Variants in CYP4V2 observed in about 807,000 individuals in gnomAD.
The protein encoded by CYP4V2 is cytochrome P450 4V2.
A neutral mutation model predicts 60.8 loss-of-function variants in CYP4V2; 55 were observed. The ratio of observed to expected loss-of-function variants is 0.90; its 90% confidence interval spans 0.73 to 1.13. The LOEUF (loss-of-function observed/expected upper bound fraction) is 1.13, where lower values mean the gene tolerates loss of function less well. Among genes scored for constraint, CYP4V2 ranks in the 50% most tolerant of loss-of-function variants. CYP4V2 has a pLI of 0.00. For missense variants in CYP4V2, 675 were observed against 662.9 expected (o/e 1.02, Z -0.20); for synonymous variants, 239 against 236.8 (o/e 1.01, Z -0.08).
Position 186,200,435 on chromosome 4 carries a change from A to G in CYP4V2, c.802-722A>G, listed in dbSNP as rs72646270. Among the ~76,000 whole-genome samples the G allele has an allele frequency of 8.4e-3, 1,283 of 152,380 alleles. 19 individuals are homozygous for G. Among genetic ancestry groups the G allele is most frequent in the African/African-American group, 0.028 (1,185 of 41,592 alleles). On this transcript the variant is annotated intron_variant, in intron 6 of 10. Transcript: ENST00000378802. ...TGTATCAATGAACAAAGACATGCAC[A>G]AGCATGGCAGTGTTTGAGTTGTAAG...
chr4:186,204,612 T>C (rs1736442180), intron 7 of CYP4V2: 1 of 186,902 alleles, frequency 5.4e-6, no homozygotes, highest in Non-Finnish European at 1.2e-5. Context: ...AACCACATCT[T>C]TGGCCTCAGT....
At chr4:186,198,131 G>C (rs67055364) in intron 5 of CYP4V2, among the ~76,000 whole-genome samples, 21,251 of 152,228 alleles carry the variant, frequency 0.14, 1,761 homozygotes, top group Admixed American at 0.21. Context: ...TTAAAAGGCA[G>C]GGCAAGGACT....
chr4:186,198,832 T>C (rs1391997763), intron 5 of CYP4V2, 125 bp from the exon 6 acceptor site: 10 of 1,445,222 alleles, frequency 6.9e-6, no homozygotes, highest in Non-Finnish European at 9.6e-6. Flanking sequence ...ATGGAGCTCT[T>C]AGTAGCCTCT....
At position 186,195,902 on chromosome 4, in the gene CYP4V2, A is replaced by C; in HGVS notation, c.328-101A>C. The stretch of plus-strand genomic sequence containing the variant: ...AACGACGGAGAAAATAAATGTTGTG[A>C]ATGCCCTAAAAACTAGCTGTATTCT... On this transcript the variant is annotated intron_variant, in intron 2 of 10. Transcript: ENST00000378802. This position sits in a 1 kb window ranked among gnomAD's most constrained non-coding sequence, Gnocchi z 4.1. The C allele has an allele frequency of 1.2e-6, 1 of 802,462 alleles. No homozygotes were observed. The highest frequency in any genetic ancestry group is 2.6e-5 in the East Asian group (1 of 38,970). The allele number at this position is 802,462 out of a possible 1,614,324, so 49.7% of individuals were successfully genotyped here.
chr4:186,202,962 A>C (rs1295140907), intron 7 of CYP4V2: 1 of 151,994 alleles, frequency 6.6e-6, no homozygotes, highest in Non-Finnish European at 1.5e-5. Context: ...ACCACCCCCC[A>C]CAGAGGCACA....
At chr4:186,210,350 G>T in intron 10 of CYP4V2, 119 bp from the exon 11 acceptor site, 1 of 1,292,858 alleles carries the variant, frequency 7.7e-7, no homozygotes, top group Non-Finnish European at 1.1e-6. Flanking sequence ...AGCCATTCTG[G>T]TTCTCCTTCC....
intron 8 of CYP4V2, 108 bp downstream of exon 8, chr4:186,205,410 C>CT: frequency 9.3e-7 from 1 of 1,080,038 alleles, no homozygotes; most frequent in Admixed American, 1.7e-5. Flanking sequence ...CCACGGGATC[C>CT]TTTCCAGTAC....
At chr4:186,192,339 G>A (rs571002005) in intron 1 of CYP4V2, 2 of 618,980 alleles carry the variant, frequency 3.2e-6, no homozygotes, top group Non-Finnish European at 6.1e-6. Flanking sequence ...GTTTCCTCCT[G>A]CCTTGGCTTG....
rs1271520238 is a variant in CYP4V2, at chr4:186,195,155, A to C, written c.327+543A>C. ...AATCATCTTGTAGTATGGTGAGAAAAGGATTTGGGTCAGGAAACAAAGATG... is the reference window on the plus strand; with the variant it reads ...AATCATCTTGTAGTATGGTGAGAAACGGATTTGGGTCAGGAAACAAAGATG... On this transcript the variant is annotated intron_variant, in intron 2 of 10. Coordinates refer to ENST00000378802, the MANE Select transcript of CYP4V2 (RefSeq NM_207352.4). The surrounding 1 kb of genome is among the most constrained non-coding windows in gnomAD (Gnocchi z 4.1). Among the ~76,000 whole-genome samples the C allele has an allele frequency of 6.6e-6, 1 of 152,204 alleles. No homozygotes were observed. Among genetic ancestry groups the C allele is most frequent in the African/African-American group, 2.4e-5 (1 of 41,460 alleles).
At chr4:186,206,226 T>A (rs920197159) in intron 8 of CYP4V2, among the ~76,000 whole-genome samples, 5 of 152,188 alleles carry the variant, frequency 3.3e-5, no homozygotes, top group Admixed American at 3.3e-4. Flanking sequence ...TGTGTGTGTG[T>A]GCATGTGTGT....
At chr4:186,194,727 C>A in intron 2 of CYP4V2, 115 bp downstream of exon 2, 2 of 951,964 alleles carry the variant, frequency 2.1e-6, no homozygotes, top group Non-Finnish European at 3.3e-6. Flanking sequence ...AAAAAACATT[C>A]CACTAAGTAT....
intron 4 of CYP4V2, 136 bp downstream of exon 4, chr4:186,197,266 A>G: frequency 3.6e-6 from 4 of 1,120,400 alleles, no homozygotes; most frequent in Non-Finnish European, 5.2e-6. Flanking sequence ...CTACGACCGC[A>G]CTGGCCTTCT....
chr4:186,196,264 G>A (rs2126584097), intron 3 of CYP4V2, 176 bp downstream of exon 3: 1 of 665,468 alleles, frequency 1.5e-6, no homozygotes, highest in Non-Finnish European at 2.7e-6. Context: ...CCCGTCAAGA[G>A]GCCAAGAGTC....
In CYP4V2 at chr4:186,191,795, A is replaced by G; in HGVS notation, c.-29A>G. The G allele has an allele frequency of 6.6e-7, 1 of 1,508,070 alleles. No individual in the cohort carries two copies. The allele number at this position is 1,508,070 out of a possible 1,614,324, so 93.4% of individuals were successfully genotyped here. ...CCCCCGCGGGCCCGCACTTTCCCGG[A>G]GTGCACCCCGCGGCCGCCAGCCGGG... On this transcript the variant is annotated 5_prime_UTR_variant, in exon 1 of 11. Transcript: ENST00000378802.
Position 186,197,037 on chromosome 4 carries a change from A to G in CYP4V2, c.511A>G (p.Asn171Asp), listed in dbSNP as rs1394771678. 2 of 1,613,758 alleles carry G rather than the reference A, an allele frequency of 1.2e-6. No individual in the cohort carries two copies. The highest frequency in any genetic ancestry group is 1.7e-6 in the Non-Finnish European group (2 of 1,179,976). ...CTTAGATATCATGAATGAACAAGCA[A>G]ATATATTGGTTAAGAAACTTGAAAA... ...DFLDIMNEQA[N>D]ILVKKLEKHI... Residue 171 changes from asparagine to aspartate, a missense_variant, in exon 4 of 11, where the codon AAT (asparagine) becomes GAT (aspartate). Coordinates refer to ENST00000378802, the MANE Select transcript of CYP4V2 (RefSeq NM_207352.4).
chr4:186,207,378 T>C (rs1237547408), intron 8 of CYP4V2, among the ~76,000 whole-genome samples: 4 of 141,868 alleles, frequency 2.8e-5, no homozygotes, highest in African/African-American at 7.8e-5. Flanking sequence ...CACCACTGCA[T>C]TCCAGCCTGG....
chr4:186,201,147 A>T lies in CYP4V2; in HGVS notation c.802-10A>T. 6.2e-7 allele frequency: 1 copy of T among 1,614,084 alleles called. No homozygotes were observed. The highest frequency in any genetic ancestry group is 1.3e-5 in the African/African-American group (1 of 75,054). ...AACAGAAGCATGTGATTATCATTCA[A>T]ATCATACAGGTCATCGCTGAACGGG... On this transcript the variant is annotated splice_polypyrimidine_tract_variant and intron_variant, in intron 6 of 10. Transcript: ENST00000378802.
chr4:186,205,327 A>T (rs759552576), intron 8 of CYP4V2, 25 bp downstream of exon 8: 1 of 1,595,878 alleles, frequency 6.3e-7, no homozygotes. Context: ...TTCACTGGTT[A>T]TATTGTGGTA....
chr4:186,203,590 T>C (rs942152405), intron 7 of CYP4V2: 7 of 152,248 alleles, frequency 4.6e-5, no homozygotes, highest in African/African-American at 1.7e-4. Context: ...GCAGATGAAA[T>C]GAAATCGGAA....
Sources: gnomAD v4.1 joint callset for allele counts (sites outside exome capture counted in the v4.1 genomes callset) on GRCh38, gnomAD v4.1.1 for gene constraint, Gnocchi (gnomAD v3.1) non-coding constraint, MANE v1.5 for transcripts, NCBI Gene and HGNC (gene_info 2026-07-23, HGNC 2026-07-21) for gene names.